The following EPHB1 variants were observed in gnomAD, a reference collection of about 807,000 sequenced individuals.
EPHB1 encodes ephrin type-B receptor 1.
A neutral mutation model predicts 94.4 loss-of-function variants in EPHB1; 30 were observed. That is an observed-to-expected ratio of 0.32 (90% CI 0.24 to 0.43). EPHB1 has a LOEUF of 0.43. Among genes scored for constraint, EPHB1 ranks in the 20% least tolerant of loss-of-function variants. EPHB1 has a pLI of 1.00. For missense variants in EPHB1, 1,055 were observed against 1,308.3 expected, an observed-to-expected ratio of 0.81 and a Z score of 2.99; for synonymous variants, 522 against 489.1, an observed-to-expected ratio of 1.07 and a Z score of -0.89.
At chr3:135,016,740 C>G (rs1424091598) in intron 3 of EPHB1, among the ~76,000 whole-genome samples, 1 of 152,214 alleles carries the variant, frequency 6.6e-6, no homozygotes, top group Non-Finnish European at 1.5e-5. Flanking sequence ...TTCCTCTTGC[C>G]TGGGAAAATT....
rs112368190 is a variant in EPHB1 at position 135,010,584 on chromosome 3, G to A, written c.805+58532G>A. 9.2e-3 allele frequency among the ~76,000 whole-genome samples: 1,019 copies of A among 111,050 alleles called. 15 individuals carry two copies. Among genetic ancestry groups the A allele is most frequent in the African/African-American group, 0.03 (944 of 31,026 alleles). 72.9% of individuals were successfully genotyped at this position (111,050 alleles called of 152,430 possible). On this transcript the variant is annotated intron_variant, in intron 3 of 15. Coordinates refer to ENST00000398015, the MANE Select transcript of EPHB1 (RefSeq NM_004441.5). The stretch of plus-strand genomic sequence containing the variant: ...TTTTTTTTTTTTTTTTTTTTTTTAC[G>A]CAGAGTTTCACTCTTGTTGCCCAGG...
chr3:135,050,515 T>G (rs1937139307), intron 3 of EPHB1, among the ~76,000 whole-genome samples: 1 of 152,222 alleles, frequency 6.6e-6, no homozygotes, highest in Non-Finnish European at 1.5e-5. Flanking sequence ...TGGCTTTTGA[T>G]TACCAGGGCC....
At chr3:135,253,901 T>C (rs1479194476) in intron 15 of EPHB1, among the ~76,000 whole-genome samples, 3 of 151,586 alleles carry the variant, frequency 2.0e-5, no homozygotes, top group African/African-American at 7.3e-5. Context: ...AGCAGTGGTG[T>C]GTAGTTCTCC....
At position 135,007,653 on chromosome 3, in the gene EPHB1, C is replaced by A. The variant is rs112108495; in HGVS notation, c.805+55601C>A. Among the ~76,000 whole-genome samples the A allele has an allele frequency of 6.9e-3, 1,058 of 152,284 alleles. 15 individuals are homozygous for A. Among genetic ancestry groups the A allele is most frequent in the African/African-American group, 0.024 (983 of 41,554 alleles). On this transcript the variant is annotated intron_variant, in intron 3 of 15. Coordinates refer to ENST00000398015, the MANE Select transcript of EPHB1 (RefSeq NM_004441.5). ...ACCTCCATCTCCTTCACATATTGTG[C>A]TGCAAAGCCAAGGCTCCCGATTTAT...
intron 3 of EPHB1, chr3:135,067,569 TC>T (rs1487771334): frequency 3.9e-5 from 6 of 152,400 alleles, no homozygotes; most frequent in Non-Finnish European, 8.8e-5. Context: ...GGAGTCAGTT[TC>T]CAGGCAGTGG....
At chr3:134,879,112 T>C (rs1263147138) in intron 1 of EPHB1, among the ~76,000 whole-genome samples, 1 of 152,166 alleles carries the variant, frequency 6.6e-6, no homozygotes, top group African/African-American at 2.4e-5. Flanking sequence ...ACTCCCTTCC[T>C]GCACCCAGGA....
intron 2 of EPHB1, among the ~76,000 whole-genome samples, chr3:134,949,400 A>G (rs745526208): frequency 1.3e-4 from 19 of 147,440 alleles, no homozygotes; most frequent in Middle Eastern, 7.0e-3. Context: ...CCAGCTCTCA[A>G]TGTGCCCATT....
intron 12 of EPHB1, among the ~76,000 whole-genome samples, chr3:135,209,694 T>C (rs1044389370): frequency 1.3e-5 from 2 of 152,210 alleles, no homozygotes; most frequent in Non-Finnish European, 2.9e-5. Flanking sequence ...ATTGTTGGGC[T>C]GGAATAGGGT....
At chr3:135,105,244 T>C (rs1361890771) in intron 3 of EPHB1, among the ~76,000 whole-genome samples, 1 of 152,252 alleles carries the variant, frequency 6.6e-6, no homozygotes, top group Non-Finnish European at 1.5e-5. Flanking sequence ...ATTAGATTTA[T>C]ATGACTTCAT....
intron 3 of EPHB1, among the ~76,000 whole-genome samples, chr3:135,103,848 C>T (rs1939112137): frequency 6.6e-6 from 1 of 152,210 alleles, no homozygotes; most frequent in Non-Finnish European, 1.5e-5. Flanking sequence ...CTCTCATGGA[C>T]ACCTTGGAAT....
At chr3:134,795,974 G>A (rs190326284) in intron 1 of EPHB1, among the ~76,000 whole-genome samples, 145 of 152,368 alleles carry the variant, frequency 9.5e-4, no homozygotes, top group Admixed American at 4.8e-3. Flanking sequence ...CCCCCGCTCG[G>A]AGAGCTCGGA....
chr3:134,806,138 T>TACA (rs2036038423), intron 1 of EPHB1, among the ~76,000 whole-genome samples: 1 of 152,232 alleles, frequency 6.6e-6, no homozygotes, highest in African/African-American at 2.4e-5. Flanking sequence ...TACAAATATT[T>TACA]TATACTCTTC....
intron 3 of EPHB1, among the ~76,000 whole-genome samples, chr3:135,020,302 G>A (rs1935944208): frequency 6.6e-6 from 1 of 152,144 alleles, no homozygotes; most frequent in South Asian, 2.1e-4. Flanking sequence ...CAATTAAAGT[G>A]TACAATTCAA....
intron 1 of EPHB1, among the ~76,000 whole-genome samples, chr3:134,850,548 C>T (rs559734678): frequency 1.3e-5 from 2 of 152,260 alleles, no homozygotes; most frequent in East Asian, 1.9e-4. Context: ...GACTGTTCAC[C>T]GTCGGGTGGG....
intron 5 of EPHB1, among the ~76,000 whole-genome samples, chr3:135,151,746 A>G (rs1282450974): frequency 6.6e-6 from 1 of 152,206 alleles, no homozygotes; most frequent in Non-Finnish European, 1.5e-5. Flanking sequence ...AATACACTTG[A>G]CAGCTTAATC....
At chr3:135,141,728 C>T (rs543091132) in intron 5 of EPHB1, among the ~76,000 whole-genome samples, 5 of 152,272 alleles carry the variant, frequency 3.3e-5, no homozygotes, top group African/African-American at 1.2e-4. Context: ...GTTTGAGGCA[C>T]AGACAGGCAG....
Position 135,036,852 on chromosome 3 carries a change from T to G in EPHB1, c.806-69596T>G, listed in dbSNP as rs185548873. Among the ~76,000 whole-genome samples the G allele has an allele frequency of 1.1e-3, 162 of 152,280 alleles. 1 individual carries two copies. Among genetic ancestry groups the G allele is most frequent in the African/African-American group, 3.6e-3 (149 of 41,566 alleles). On this transcript the variant is annotated intron_variant, in intron 3 of 15. Coordinates refer to ENST00000398015, the MANE Select transcript of EPHB1 (RefSeq NM_004441.5). ...GACTGATGTGACTGGGTTTCAGGGC[T>G]GCAGAGGTTTACAAAAGTGAGCAGT...
At chr3:135,170,988 AAGACTTT>A (rs1254730995) in intron 9 of EPHB1, among the ~76,000 whole-genome samples, 1 of 152,200 alleles carries the variant, frequency 6.6e-6, no homozygotes, top group Non-Finnish European at 1.5e-5. Flanking sequence ...TATGTGCCCA[AAGACTTT>A]AGATTGGCAA....
intron 1 of EPHB1, among the ~76,000 whole-genome samples, chr3:134,894,998 T>G (rs1253213495): frequency 1.3e-5 from 2 of 152,234 alleles, no homozygotes; most frequent in Admixed American, 1.3e-4. Flanking sequence ...AGTGGCTGCC[T>G]CCAGCCTTGG....
Sources: allele counts gnomAD v4.1 joint callset (sites outside exome capture counted in the v4.1 genomes callset), GRCh38; gene constraint gnomAD v4.1.1; transcripts MANE v1.5; gene names NCBI Gene and HGNC (gene_info 2026-07-23, HGNC 2026-07-21).